SETX: variants seen among roughly 807,000 people sequenced by gnomAD.
SETX encodes the protein helicase senataxin.
SETX carries 90 observed loss-of-function variants against 227.2 expected under a neutral mutation model. The observed-to-expected ratio is 0.40, with a 90% CI of 0.33 to 0.47. The LOEUF (loss-of-function observed/expected upper bound fraction) is 0.47, where lower values mean the gene tolerates loss of function less well. Ranked by LOEUF, SETX falls within the 20% of genes least tolerant of loss-of-function variation. The probability of loss-of-function intolerance (pLI) is 0.91; values close to 1 mark genes in which losing one functional copy is unlikely to be tolerated. For synonymous variants in SETX, 1,210 were observed against 1,113.2 expected (o/e 1.09, Z -1.73); for missense variants, 3,052 against 3,181.5 (o/e 0.96, Z 0.98).
chr9:132,317,732 G>A (rs938783739), intron 10 of SETX, among the ~76,000 whole-genome samples: 1 of 151,764 alleles, frequency 6.6e-6, no homozygotes, highest in African/African-American at 2.4e-5. Context: ...CAAAATGCTG[G>A]TATTACAGGC....
chr9:132,355,989 GAAAAAA>G (rs1213549776), upstream of SETX, among the ~76,000 whole-genome samples: 62 of 85,168 alleles, frequency 7.3e-4, no homozygotes, highest in Middle Eastern at 8.5e-3. Context: ...TCTCTCTCCG[GAAAAAA>G]AAAAAAAAAA....
chr9:132,332,998 GT>G (rs1564550667), intron 7 of SETX, among the ~76,000 whole-genome samples: 2 of 151,698 alleles, frequency 1.3e-5, no homozygotes, highest in Admixed American at 6.6e-5. Flanking sequence ...AATTATACAT[GT>G]AGTTAGGCAC....
intron 23 of SETX, 159 bp downstream of exon 23, chr9:132,275,097 A>C: frequency 1.4e-6 from 1 of 726,672 alleles, no homozygotes; most frequent in Non-Finnish European, 2.4e-6. Context: ...GGAGCCACAC[A>C]GCACAAGTCT....
In SETX at chr9:132,329,482, TAATTTG is replaced by T. The variant is rs1430679436; in HGVS notation, c.2110_2115del (p.Gln704_Ile705del). ...GACTTCTGCTTCCTTGTACTTATTT[TAATTTG>T]ATCTTCAGCTCTTTCAGTAAAAATG... On this transcript the variant is annotated inframe_deletion, in exon 10 of 26. Transcript: ENST00000224140. 4 of 1,612,442 alleles carry T rather than the reference TAATTTG, an allele frequency of 2.5e-6. No individual in the cohort carries two copies. The highest frequency in any genetic ancestry group is 2.2e-5 in the East Asian group (1 of 44,872).
At position 132,298,104 on chromosome 9, in the gene SETX, T is replaced by C. The variant is rs1844774476; in HGVS notation, c.5757A>G (p.Leu1919=). The C allele has an allele frequency of 6.2e-7, 1 of 1,613,968 alleles. No homozygotes were observed. Among genetic ancestry groups the C allele is most frequent in the East Asian group, 2.2e-5 (1 of 44,872 alleles). Residue 1919 remains leucine (L), a synonymous_variant, in exon 13 of 26, where the codon TTA becomes TTG. Transcript: ENST00000224140. ...CAATTCTCTCAGATGTTGTAGTCAG[T>C]AAATCTTTTGTACAGAAGTCCATAG... ...PNPMDFCTKD[L]LTTTSERIIA...
rs1373360956 is a variant in SETX, at chr9:132,264,753, G to T, written c.7520C>A (p.Ser2507Tyr). 4 of 1,614,090 alleles carry T rather than the reference G, an allele frequency of 2.5e-6. No individual in the cohort carries two copies. The highest frequency in any genetic ancestry group is 3.4e-6 in the Non-Finnish European group (4 of 1,180,048). ...SGFAKTSVAASLYHTPSDSKE... is the reference protein window; with the variant it reads ...SGFAKTSVAAYLYHTPSDSKE... ...GGAGTCAGAGGGTGTGTGGTATAGAGAAGCAGCAACAGATGTCTTGGCAAA... is the reference window on the plus strand; with the variant it reads ...GGAGTCAGAGGGTGTGTGGTATAGATAAGCAGCAACAGATGTCTTGGCAAA... Residue 2507 changes from serine to tyrosine, a missense_variant, in exon 26 of 26, where the codon TCT (serine) becomes TAT (tyrosine). Physicochemically the swap from Ser to Tyr is moderately radical, Grantham distance 144. Around this residue, in one of 10 missense-constraint regions of SETX, gnomAD observed 294 missense variants for 278.8 expected, o/e 1.05. Transcript: ENST00000224140.
chr9:132,272,360 G>T (rs1012432475), intron 23 of SETX, among the ~76,000 whole-genome samples: 9 of 151,942 alleles, frequency 5.9e-5, no homozygotes, highest in Admixed American at 5.2e-4. Flanking sequence ...TGTTGCCCAG[G>T]CTGGTCTCAA....
At chr9:132,340,200 TTTC>T (rs1405467947) in intron 5 of SETX, among the ~76,000 whole-genome samples, 2 of 152,222 alleles carry the variant, frequency 1.3e-5, no homozygotes, top group African/African-American at 2.4e-5. Context: ...TCACATTTTC[TTTC>T]TTTTTTTTAA....
chr9:132,275,175 G>A, intron 23 of SETX, 81 bp downstream of exon 23: 1 of 1,478,330 alleles, frequency 6.8e-7, no homozygotes, highest in Non-Finnish European at 9.4e-7. Context: ...CTCCTTAAGA[G>A]TTTCCCTTTT....
chr9:132,330,166 G>A lies in SETX; in HGVS notation c.1432C>T (p.Leu478=), dbSNP rs755707645. 1 of 1,596,046 alleles carries A rather than the reference G, an allele frequency of 6.3e-7. No homozygotes were observed. The highest frequency in any genetic ancestry group is 1.1e-5 in the South Asian group (1 of 89,306). The change falls in exon 10 of 26, where the codon CTG becomes TTG. Residue 478 remains leucine, a synonymous_variant. Transcript: ENST00000224140. ...ACCCATTGCTGGGAACTTACCCACA[G>A]CAAATGCAAACATTTTTTATTTCTA... is the stretch of plus-strand genomic sequence containing the variant. ...LHRNKKCLHL[L]WVSSQQWVEA... is the part of the protein sequence containing the mutation.
At position 132,330,115 on chromosome 9, in the gene SETX, G is replaced by A. The variant is rs538511304; in HGVS notation, c.1483C>T (p.Leu495Phe). 2 of 1,613,704 alleles carry A rather than the reference G, an allele frequency of 1.2e-6. No individual in the cohort carries two copies. Among genetic ancestry groups the A allele is most frequent in the Admixed American group, 1.7e-5 (1 of 60,006 alleles). ...WVEAVVKCAK[L>F]PTTAFTRSSE... Reference sequence around the variant, plus strand: ...CTCCGTGTAAACGCAGTGGTAGGAAGCTTGGCACATTTGACGACGGCTTCC... The same window carrying A: ...CTCCGTGTAAACGCAGTGGTAGGAAACTTGGCACATTTGACGACGGCTTCC... Residue 495 changes from leucine to phenylalanine, a missense_variant, in exon 10 of 26, where the codon CTT (leucine) becomes TTT (phenylalanine). This residue lies in a region of SETX where 179 missense variants were observed against 197.1 expected (regional missense o/e 0.91). Transcript: ENST00000224140.
At chr9:132,345,097 A>G (rs1469544299) in intron 4 of SETX, among the ~76,000 whole-genome samples, 1 of 152,162 alleles carries the variant, frequency 6.6e-6, no homozygotes. Flanking sequence ...GTCTGGAGAC[A>G]TTTTTGGTTG....
At position 132,331,264 on chromosome 9, in the gene SETX, T is replaced by G; in HGVS notation, c.1010+13A>C. 1 of 1,613,908 alleles carries G rather than the reference T, an allele frequency of 6.2e-7. No homozygotes were observed. Among genetic ancestry groups the G allele is most frequent in the Middle Eastern group, 1.6e-4 (1 of 6,062 alleles). ...AGAGATGATGTTTAAATCCTGACAT[T>G]AGCTGAACTAACCTTACAGAGCTGT... On this transcript the variant is annotated intron_variant, in intron 8 of 25. Coordinates refer to ENST00000224140, the MANE Select transcript of SETX (RefSeq NM_015046.7).
chr9:132,261,706 T>TC lies in SETX; in HGVS notation c.*2532_*2533insG, dbSNP rs1842420104. Reference sequence around the variant, plus strand: ...TTACAGGAGGTTATTCACATGTACTTGTCAAATTTACTCCTGATAATTCAC... The same window carrying TC: ...TTACAGGAGGTTATTCACATGTACTTCGTCAAATTTACTCCTGATAATTCAC... On this transcript the variant is annotated 3_prime_UTR_variant, in exon 26 of 26. Transcript: ENST00000224140. 6.5e-6 allele frequency: 1 copy of TC among 153,704 alleles called. No individual in the cohort carries two copies. The allele number at this position is 153,704 out of a possible 1,614,324, so 9.5% of individuals were successfully genotyped here.
chr9:132,343,186 G>A (rs543794553), intron 4 of SETX, among the ~76,000 whole-genome samples: 2 of 152,270 alleles, frequency 1.3e-5, no homozygotes, highest in South Asian at 2.1e-4. Flanking sequence ...GGGCGTGGTG[G>A]TGGGCACCTG....
rs1375103519 is a variant in SETX at position 132,352,722 on chromosome 9, T to C, written c.-8+927A>G. ...AGCCTAGAACTCCAGATATATTCAA[T>C]ATCCAACTGCATACAGTGTATCTCT... is the stretch of plus-strand genomic sequence containing the variant. On this transcript the variant is annotated intron_variant, in intron 2 of 25. Coordinates refer to ENST00000224140, the MANE Select transcript of SETX (RefSeq NM_015046.7). 2.6e-5 allele frequency among the ~76,000 whole-genome samples: 4 copies of C among 152,348 alleles called. No homozygotes were observed. The East Asian group carries it at 7.7e-4, about 29-fold the overall frequency.
chr9:132,316,315 C>T (rs531645204), intron 10 of SETX, among the ~76,000 whole-genome samples: 9 of 152,196 alleles, frequency 5.9e-5, no homozygotes, highest in East Asian at 1.9e-4. Flanking sequence ...TTTTTGCTGT[C>T]GATTTACAAA....
At chr9:132,305,550 C>T (rs955505297) in intron 11 of SETX, among the ~76,000 whole-genome samples, 4 of 152,082 alleles carry the variant, frequency 2.6e-5, no homozygotes, top group Admixed American at 2.6e-4. Context: ...TGAGATTTAT[C>T]AACGTCATGT....
At chr9:132,271,632 G>T in intron 24 of SETX, 78 bp downstream of exon 24, 1 of 1,156,882 alleles carries the variant, frequency 8.6e-7, no homozygotes, top group Non-Finnish European at 1.3e-6. Context: ...CTCTAACAGT[G>T]ATAATGAACC....
Sources: allele counts gnomAD v4.1 joint callset (sites outside exome capture counted in the v4.1 genomes callset), GRCh38; gene constraint gnomAD v4.1.1; regional missense constraint gnomAD v4.1.1; transcripts MANE v1.5; gene names NCBI Gene and HGNC (gene_info 2026-07-23, HGNC 2026-07-21).